Variants in EPC2 observed in about 807,000 individuals in gnomAD.
The protein encoded by EPC2 is enhancer of polycomb homolog 2.
A neutral mutation model predicts 92.1 loss-of-function variants in EPC2; 14 were observed. That is an observed-to-expected ratio of 0.15 (90% CI 0.10 to 0.24). EPC2 has a LOEUF of 0.24. EPC2 is among the 10% of genes least tolerant of loss of function. The pLI is 1.00. For missense variants in EPC2, 755 were observed against 971.5 expected, an observed-to-expected ratio of 0.78 and a Z score of 2.96; for synonymous variants, 340 against 334.7, an observed-to-expected ratio of 1.02 and a Z score of -0.17.
chr2:148,709,697 C>G (rs544758087), intron 2 of EPC2, among the ~76,000 whole-genome samples: 1 of 152,260 alleles, frequency 6.6e-6, no homozygotes, highest in African/African-American at 2.4e-5. Flanking sequence ...TGCCACATAT[C>G]TACAACCATC....
At chr2:148,664,068 C>T (rs988861535) in intron 1 of EPC2, among the ~76,000 whole-genome samples, 7 of 152,082 alleles carry the variant, frequency 4.6e-5, no homozygotes, top group Admixed American at 2.0e-4. Context: ...CCCAATTCCC[C>T]AAAAGAGGAG....
At chr2:148,673,739 A>G in intron 1 of EPC2, among the ~76,000 whole-genome samples, 1 of 152,024 alleles carries the variant, frequency 6.6e-6, no homozygotes, top group East Asian at 1.9e-4. Flanking sequence ...GTGCCTCACC[A>G]TGCCTGGCTA....
intron 12 of EPC2, among the ~76,000 whole-genome samples, chr2:148,784,179 G>T (rs758911747): frequency 6.6e-6 from 1 of 152,152 alleles, no homozygotes; most frequent in African/African-American, 2.4e-5. Context: ...TCTGGCTCCC[G>T]CTCTTTAGAT....
chr2:148,724,201 T>A (rs908323635), intron 2 of EPC2, among the ~76,000 whole-genome samples: 11 of 152,114 alleles, frequency 7.2e-5, no homozygotes, highest in Non-Finnish European at 2.9e-5. Context: ...AGATAACTTA[T>A]TCATTTATTT....
In EPC2 at chr2:148,763,838, G is replaced by A. The variant is rs569245228; in HGVS notation, c.948+1036G>A. ...CAATGCTTTTCCTAGGTATGTGATT[G>A]TTAAGCATTGCAATATGAAAATCTT... On this transcript the variant is annotated intron_variant, in intron 6 of 13. Transcript: ENST00000258484. Among the ~76,000 whole-genome samples, 6 of 152,278 alleles carry A rather than the reference G, an allele frequency of 3.9e-5. No homozygotes were observed. In the South Asian group the frequency reaches 1.0e-3, roughly 26 times the overall value.
chr2:148,715,457 C>T (rs531719505), intron 2 of EPC2, among the ~76,000 whole-genome samples: 11 of 152,262 alleles, frequency 7.2e-5, no homozygotes, highest in East Asian at 3.9e-4. Context: ...GCCAGTTTTC[C>T]GAGCACCATT....
intron 13 of EPC2, among the ~76,000 whole-genome samples, 168 bp from the exon 14 acceptor site, chr2:148,786,137 A>T (rs1047602174): frequency 1.3e-5 from 2 of 152,228 alleles, no homozygotes; most frequent in Non-Finnish European, 2.9e-5. Context: ...TTCTGAGCTG[A>T]AGAAAAGTTT....
At chr2:148,673,838 G>A (rs1681203496) in intron 1 of EPC2, among the ~76,000 whole-genome samples, 1 of 152,028 alleles carries the variant, frequency 6.6e-6, no homozygotes, top group South Asian at 2.1e-4. Flanking sequence ...TGCTGGCCTT[G>A]GCCTCCCAAA....
chr2:148,764,945 A>G lies in EPC2; in HGVS notation c.949-10A>G. ...TCTTCCTTTTGGGGGAAAAATCGTC[A>G]TGTAAACAGCACCCTCATCATTTGT... On this transcript the variant is annotated splice_polypyrimidine_tract_variant and intron_variant, in intron 6 of 13. Coordinates refer to ENST00000258484, the MANE Select transcript of EPC2 (RefSeq NM_015630.4). 6.8e-7 allele frequency: 1 copy of G among 1,462,710 alleles called. No individual in the cohort carries two copies. The highest frequency in any genetic ancestry group is 1.6e-5 in the South Asian group (1 of 63,652). The allele number at this position is 1,462,710 out of a possible 1,614,324, so 90.6% of individuals were successfully genotyped here.
chr2:148,693,905 C>CT (rs2105373251), intron 2 of EPC2, among the ~76,000 whole-genome samples: 1 of 152,282 alleles, frequency 6.6e-6, no homozygotes, highest in East Asian at 1.9e-4. Flanking sequence ...CCAGTGCGTA[C>CT]TTTCGTTGTG....
chr2:148,710,422 A>G (rs1347774478), intron 2 of EPC2, among the ~76,000 whole-genome samples: 3 of 152,364 alleles, frequency 2.0e-5, no homozygotes, highest in Middle Eastern at 3.4e-3. Flanking sequence ...TAGTTCAACC[A>G]TTGTGGAAGA....
chr2:148,701,820 A>T (rs1256893932), intron 2 of EPC2, among the ~76,000 whole-genome samples: 1 of 152,040 alleles, frequency 6.6e-6, no homozygotes, highest in Non-Finnish European at 1.5e-5. Flanking sequence ...TTCTTTCCTA[A>T]ATGTTTGGTA....
At chr2:148,700,010 A>G (rs1381677371) in intron 2 of EPC2, among the ~76,000 whole-genome samples, 3 of 152,060 alleles carry the variant, frequency 2.0e-5, no homozygotes. Flanking sequence ...TTTGATTGAC[A>G]TTATTTATAT....
intron 2 of EPC2, among the ~76,000 whole-genome samples, chr2:148,714,593 A>G (rs1471128835): frequency 6.6e-6 from 1 of 152,090 alleles, no homozygotes; most frequent in East Asian, 1.9e-4. Context: ...TGACTTTTTA[A>G]TAATTGCCAT....
intron 2 of EPC2, among the ~76,000 whole-genome samples, chr2:148,721,269 C>G (rs1436308999): frequency 6.6e-6 from 1 of 151,448 alleles, no homozygotes; most frequent in Non-Finnish European, 1.5e-5. Flanking sequence ...TTTTATTTCT[C>G]CTTCACTTTT....
chr2:148,777,217 A>G (rs2105437366), intron 10 of EPC2, among the ~76,000 whole-genome samples: 1 of 151,406 alleles, frequency 6.6e-6, no homozygotes, highest in Middle Eastern at 3.4e-3. Flanking sequence ...TGTAACAAAG[A>G]CTGACCTGGT....
At chr2:148,657,545 TC>T (rs1680828033) in intron 1 of EPC2, among the ~76,000 whole-genome samples, 1 of 151,996 alleles carries the variant, frequency 6.6e-6, no homozygotes, top group South Asian at 2.1e-4. Context: ...TTTAAGAAGT[TC>T]CCAGGTGATC....
rs1638533305 is a variant in EPC2, at chr2:148,645,689, C to G, written c.153+519C>G. The G allele has an allele frequency of 2.0e-5, 3 of 153,826 alleles. No individual in the cohort carries two copies. In the South Asian group the frequency reaches 5.2e-4, roughly 27 times the overall value. 9.5% of individuals were successfully genotyped at this position (153,826 alleles called of 1,614,324 possible). A position where few individuals can be genotyped will look rare whatever the true frequency, so the allele number is the denominator to read the frequency against. On this transcript the variant is annotated intron_variant, in intron 1 of 13. Coordinates refer to ENST00000258484, the MANE Select transcript of EPC2 (RefSeq NM_015630.4). ...CCTGGCTCCCCCGCCCGCGAAGGTG[C>G]AGCGGGATGAGGCGGTGCAGCACTG...
chr2:148,693,969 G>C (rs1681690813), intron 2 of EPC2, among the ~76,000 whole-genome samples: 1 of 152,160 alleles, frequency 6.6e-6, no homozygotes. Flanking sequence ...AGAGTTTATT[G>C]AGAGAAGGGA....
Sources: gnomAD v4.1 joint callset for allele counts (sites outside exome capture counted in the v4.1 genomes callset) on GRCh38, gnomAD v4.1.1 for gene constraint, MANE v1.5 for transcripts, NCBI Gene and HGNC (gene_info 2026-07-23, HGNC 2026-07-21) for gene names.